The following RSPO3 variants were observed in gnomAD, a reference collection of about 807,000 sequenced individuals.
RSPO3 encodes the protein R-spondin 3.
In RSPO3, 17 loss-of-function variants were observed where a neutral mutation model predicts 36.5. The ratio of observed to expected loss-of-function variants is 0.47; its 90% CI spans 0.32 to 0.70. RSPO3 has a LOEUF of 0.70. Among genes scored for constraint, RSPO3 ranks in the 30% least tolerant of loss-of-function variants. RSPO3 has a pLI of 0.04. For missense variants in RSPO3, 294 were observed against 322.5 expected (o/e 0.91, Z 0.68); for synonymous variants, 108 against 107.0 (o/e 1.01, Z -0.06).
chr6:127,195,339 T>C (rs1775493616), intron 4 of RSPO3, among the ~76,000 whole-genome samples: 2 of 152,290 alleles, frequency 1.3e-5, no homozygotes, highest in South Asian at 4.1e-4. Flanking sequence ...CATTGATTTT[T>C]TTTATTTTTT....
chr6:127,174,394 G>C (rs1200616424), intron 4 of RSPO3, among the ~76,000 whole-genome samples: 2 of 151,896 alleles, frequency 1.3e-5, no homozygotes, highest in Non-Finnish European at 2.9e-5. Flanking sequence ...AGCATTGCCT[G>C]AGTATTTTTA....
chr6:127,165,356 G>A (rs1774803735), intron 4 of RSPO3, among the ~76,000 whole-genome samples: 1 of 152,110 alleles, frequency 6.6e-6, no homozygotes, highest in South Asian at 2.1e-4. Context: ...AGAATAATAA[G>A]TACAATTGTA....
At position 127,184,427 on chromosome 6, in the gene RSPO3, T is replaced by C. The variant is rs1285944405; in HGVS notation, c.635-11396T>C. ...AGTAGATGATATACTGGGTTGCACATAGGGACCCAATCAAACAATAGAAGG... is the reference window on the plus strand; with the variant it reads ...AGTAGATGATATACTGGGTTGCACACAGGGACCCAATCAAACAATAGAAGG... On this transcript the variant is annotated intron_variant, in intron 4 of 4. Coordinates refer to ENST00000356698, the MANE Select transcript of RSPO3 (RefSeq NM_032784.5). 2.6e-5 allele frequency among the ~76,000 whole-genome samples: 4 copies of C among 151,856 alleles called. No homozygotes were observed. In the South Asian group the frequency reaches 8.3e-4, roughly 31 times the overall value.
chr6:127,144,643 G>GTTTT (rs56388820), intron 1 of RSPO3, among the ~76,000 whole-genome samples: 1 of 99,130 alleles, frequency 1.0e-5, no homozygotes, highest in South Asian at 3.5e-4. Flanking sequence ...GCTTCCCCTT[G>GTTTT]TTTTTTTTTT....
At chr6:127,135,102 T>C (rs1215997670) in intron 1 of RSPO3, among the ~76,000 whole-genome samples, 2 of 152,182 alleles carry the variant, frequency 1.3e-5, no homozygotes, top group East Asian at 3.9e-4. Context: ...GTTTTTTAAC[T>C]GTTTTTAAAT....
intron 1 of RSPO3, among the ~76,000 whole-genome samples, chr6:127,133,081 A>AT (rs1236877921): frequency 6.6e-6 from 1 of 152,040 alleles, no homozygotes; most frequent in Non-Finnish European, 1.5e-5. Flanking sequence ...CAGACATAGG[A>AT]TTTTTTTAAT....
chr6:127,127,356 C>T (rs1369197382), intron 1 of RSPO3, among the ~76,000 whole-genome samples: 1 of 152,112 alleles, frequency 6.6e-6, no homozygotes, highest in Non-Finnish European at 1.5e-5. Context: ...ATATCAATCA[C>T]ATTTTGCCAA....
intron 4 of RSPO3, among the ~76,000 whole-genome samples, chr6:127,179,869 C>T (rs915809379): frequency 1.3e-5 from 2 of 151,786 alleles, no homozygotes; most frequent in African/African-American, 2.4e-5. Flanking sequence ...TTTCACACAG[C>T]ATCTCTCTGA....
chr6:127,144,643 G>GTTTTTTTTTTTTTTTTTTTTTTTTTT (rs56388820), intron 1 of RSPO3, among the ~76,000 whole-genome samples: 1 of 99,130 alleles, frequency 1.0e-5, no homozygotes, highest in African/African-American at 4.2e-5. Context: ...GCTTCCCCTT[G>GTTTTTTTTTTTTTTTTTTTTTTTTTT]TTTTTTTTTT....
intron 1 of RSPO3, among the ~76,000 whole-genome samples, chr6:127,140,356 A>C (rs1176968792): frequency 6.6e-6 from 1 of 152,124 alleles, no homozygotes. Context: ...ACACACACTT[A>C]CACAGAATGA....
At position 127,195,807 on chromosome 6, in the gene RSPO3, T is replaced by C. The variant is rs1184074175; in HGVS notation, c.635-16T>C. The stretch of plus-strand genomic sequence containing the variant: ...TAATTGAATGTAATTTTTAAAAGAG[T>C]ATCCTTTCATTTCAGGAAAAAAAGG... On this transcript the variant is annotated splice_polypyrimidine_tract_variant and intron_variant, in intron 4 of 4. Transcript: ENST00000356698. 3 of 1,454,540 alleles carry C rather than the reference T, an allele frequency of 2.1e-6. No homozygotes were observed. The African/African-American group carries it at 4.4e-5, about 21-fold the overall frequency. 90.1% of individuals were successfully genotyped at this position (1,454,540 alleles called of 1,614,324 possible).
intron 1 of RSPO3, among the ~76,000 whole-genome samples, chr6:127,135,262 A>T (rs980001241): frequency 6.6e-6 from 1 of 152,100 alleles, no homozygotes; most frequent in African/African-American, 2.4e-5. Context: ...TCTACTAAAA[A>T]TATAAAAAAT....
At chr6:127,158,870 G>C (rs748271994) in intron 4 of RSPO3, among the ~76,000 whole-genome samples, 1 of 152,032 alleles carries the variant, frequency 6.6e-6, no homozygotes, top group African/African-American at 2.4e-5. Context: ...ACTTTAGTAA[G>C]AGGTCATTAC....
intron 1 of RSPO3, among the ~76,000 whole-genome samples, chr6:127,131,784 A>G (rs993156145): frequency 2.0e-5 from 3 of 152,080 alleles, no homozygotes; most frequent in Non-Finnish European, 4.4e-5. Context: ...AGTCATTCCT[A>G]TGTATCAAGC....
chr6:127,174,224 G>A (rs1775000594), intron 4 of RSPO3, among the ~76,000 whole-genome samples: 1 of 151,824 alleles, frequency 6.6e-6, no homozygotes, highest in Non-Finnish European at 1.5e-5. Flanking sequence ...GGAACACATG[G>A]ATATGTTTCC....
intron 4 of RSPO3, among the ~76,000 whole-genome samples, chr6:127,175,689 C>G (rs1283281484): frequency 6.6e-6 from 1 of 151,716 alleles, no homozygotes; most frequent in Non-Finnish European, 1.5e-5. Flanking sequence ...TTCCTTCTAA[C>G]TCATAAATTA....
At chr6:127,182,889 C>T (rs1345336589) in intron 4 of RSPO3, among the ~76,000 whole-genome samples, 3 of 152,012 alleles carry the variant, frequency 2.0e-5, no homozygotes, top group African/African-American at 7.2e-5. Context: ...AGGAAGACTA[C>T]ATTCTCAACT....
chr6:127,166,024 A>G (rs998402509), intron 4 of RSPO3, among the ~76,000 whole-genome samples: 1 of 152,016 alleles, frequency 6.6e-6, no homozygotes, highest in Non-Finnish European at 1.5e-5. Flanking sequence ...TTCCACATTA[A>G]TCTTCTGCTT....
Position 127,148,715 on chromosome 6 carries a change from G to C in RSPO3, c.165G>C (p.Leu55Phe). 1.2e-6 allele frequency: 2 copies of C among 1,613,276 alleles called. No homozygotes were observed. The highest frequency in any genetic ancestry group is 1.7e-6 in the Non-Finnish European group (2 of 1,179,452). Residue 55 changes from leucine to phenylalanine, a missense_variant, in exon 2 of 5, where the codon TTG becomes TTC. Physicochemically the swap from Leu to Phe is conservative, Grantham distance 22 (BLOSUM62 0). Around this residue, in one of 3 missense-constraint regions of RSPO3, gnomAD observed 43 missense variants for 86.0 expected, o/e 0.50. Transcript: ENST00000356698. ...CATGCTCAGATTACAATGGATGTTT[G>C]TCATGTAAGCCCAGACTATTTTTTG... ...CATCSDYNGC[L>F]SCKPRLFFAL... is the part of the protein sequence containing the mutation.
Sources: gnomAD v4.1 joint callset for allele counts (sites outside exome capture counted in the v4.1 genomes callset) on GRCh38, gnomAD v4.1.1 for gene constraint, gnomAD v4.1.1 regional missense constraint, MANE v1.5 for transcripts, NCBI Gene and HGNC (gene_info 2026-07-23, HGNC 2026-07-21) for gene names.